The following PRDM16 variants were observed in gnomAD, a reference collection of about 807,000 sequenced individuals.
PRDM16 encodes histone-lysine N-methyltransferase PRDM16.
In PRDM16, 23 loss-of-function variants were observed where a neutral mutation model predicts 110.6. That is an observed-to-expected ratio of 0.21 (90% CI 0.15 to 0.29). The LOEUF (loss-of-function observed/expected upper bound fraction) is 0.29, where lower values mean the gene tolerates loss of function less well. Among genes scored for constraint, PRDM16 ranks in the 10% least tolerant of loss-of-function variants. The pLI is 1.00. For missense variants in PRDM16, 1,615 were observed against 1,794.3 expected, an observed-to-expected ratio of 0.90 and a Z score of 1.81; for synonymous variants, 799 against 781.8, an observed-to-expected ratio of 1.02 and a Z score of -0.37.
At chr1:3,321,238 G>A (rs796552017) in intron 3 of PRDM16, among the ~76,000 whole-genome samples, 10 of 152,192 alleles carry the variant, frequency 6.6e-5, no homozygotes, top group African/African-American at 2.2e-4. Context: ...GTGCACACAC[G>A]CGTGGGGGTA....
rs191811821 is a variant in PRDM16, at chr1:3,249,815, G to A, written c.438+5678G>A. On this transcript the variant is annotated intron_variant, in intron 3 of 16. Coordinates refer to ENST00000270722, the MANE Select transcript of PRDM16 (RefSeq NM_022114.4). The stretch of plus-strand genomic sequence containing the variant: ...TCCCAGGGTTGCTGATAAAAGAATC[G>A]GGAGTCCATTAATTCAGTGAATGAA... Among the ~76,000 whole-genome samples, 6 of 152,334 alleles carry A rather than the reference G, an allele frequency of 3.9e-5. No homozygotes were observed. The East Asian group carries it at 7.7e-4, about 20-fold the overall frequency.
rs986842214 is a variant in PRDM16, at chr1:3,436,590, C to A, written c.*2779C>A. 5.6e-4 allele frequency: 129 copies of A among 231,764 alleles called. 1 individual carries two copies. Among genetic ancestry groups the A allele is most frequent in the Admixed American group, 3.4e-4 (6 of 17,730 alleles). The allele number at this position is 231,764 out of a possible 1,614,324, so 14.4% of individuals were successfully genotyped here. On this transcript the variant is annotated 3_prime_UTR_variant, in exon 17 of 17. Transcript: ENST00000270722. ...TGGGCTGGTGCGCCCCAAAACACGGCCCCGACACTTAGTGTGGCCCCAGGC... is the reference window on the plus strand; with the variant it reads ...TGGGCTGGTGCGCCCCAAAACACGGACCCGACACTTAGTGTGGCCCCAGGC...
At chr1:3,356,928 C>T (rs967497411) in intron 3 of PRDM16, among the ~76,000 whole-genome samples, 49 of 152,286 alleles carry the variant, frequency 3.2e-4, no homozygotes, top group African/African-American at 1.0e-3. Context: ...TCCTGAGAGC[C>T]GGGTGGCTTT....
At chr1:3,335,632 CACACACACA>C (rs1266809026) in intron 3 of PRDM16, among the ~76,000 whole-genome samples, 1 of 151,428 alleles carries the variant, frequency 6.6e-6, no homozygotes, top group African/African-American at 2.5e-5. Flanking sequence ...CACACACACA[CACACACACA>C]CCCTTGGACA....
In PRDM16 at chr1:3,250,382, A is replaced by G. The variant is rs1437847745; in HGVS notation, c.438+6245A>G. 2.0e-5 allele frequency among the ~76,000 whole-genome samples: 3 copies of G among 152,050 alleles called. No individual in the cohort carries two copies. In the East Asian group the frequency reaches 5.8e-4, roughly 29 times the overall value. ...CTTCACAGGCTGATAAGGGTGATTA[A>G]TGGCCCGTTAGCATGGCCCAAGGTG... On this transcript the variant is annotated intron_variant, in intron 3 of 16. Coordinates refer to ENST00000270722, the MANE Select transcript of PRDM16 (RefSeq NM_022114.4).
Position 3,198,315 on chromosome 1 carries a change from C to T in PRDM16, c.387+11841C>T, listed in dbSNP as rs865816003. Among the ~76,000 whole-genome samples the T allele has an allele frequency of 2.0e-5, 3 of 152,354 alleles. No homozygotes were observed. In the South Asian group the frequency reaches 6.2e-4, roughly 32 times the overall value. On this transcript the variant is annotated intron_variant, in intron 2 of 16. Coordinates refer to ENST00000270722, the MANE Select transcript of PRDM16 (RefSeq NM_022114.4). ...TTAGAGAAGGCCCTTTGGAGAATGG[C>T]TGCAAGCCGGCACCCTTGCTGCATG...
intron 3 of PRDM16, among the ~76,000 whole-genome samples, chr1:3,248,847 G>A (rs765645218): frequency 2.0e-5 from 3 of 152,228 alleles, no homozygotes; most frequent in Non-Finnish European, 2.9e-5. Context: ...AGCCCGGCCC[G>A]GGCAAAATGC....
Position 3,267,571 on chromosome 1 carries a change from A to G in PRDM16, c.438+23434A>G, listed in dbSNP as rs527828708. ...ATGTCTCACTTTTTGGGGAACCTCCAGACTGTTTACCACAGTGGCTATACC... is the reference window on the plus strand; with the variant it reads ...ATGTCTCACTTTTTGGGGAACCTCCGGACTGTTTACCACAGTGGCTATACC... On this transcript the variant is annotated intron_variant, in intron 3 of 16. Transcript: ENST00000270722. 2.2e-3 allele frequency among the ~76,000 whole-genome samples: 331 copies of G among 152,362 alleles called. 1 individual carries two copies. Among genetic ancestry groups the G allele is most frequent in the African/African-American group, 7.3e-3 (305 of 41,582 alleles).
intron 3 of PRDM16, among the ~76,000 whole-genome samples, chr1:3,324,848 C>G (rs1385286792): frequency 6.6e-6 from 1 of 152,048 alleles, no homozygotes; most frequent in African/African-American, 2.4e-5. Context: ...GCACATCTGA[C>G]CCTCCCTTGT....
chr1:3,106,146 C>T (rs1642646537), intron 1 of PRDM16, among the ~76,000 whole-genome samples: 1 of 142,286 alleles, frequency 7.0e-6, no homozygotes. Flanking sequence ...GGAGTCCTGG[C>T]AGGGTGGGCG....
intron 12 of PRDM16, among the ~76,000 whole-genome samples, chr1:3,420,198 T>C (rs1172983461): frequency 6.6e-6 from 1 of 152,222 alleles, no homozygotes; most frequent in East Asian, 1.9e-4. Flanking sequence ...GTGTTGCAAA[T>C]CCTGACTTTA....
chr1:3,384,133 A>T, intron 3 of PRDM16, among the ~76,000 whole-genome samples: 1 of 149,662 alleles, frequency 6.7e-6, no homozygotes, highest in Non-Finnish European at 1.5e-5. Context: ...ACACCTGTCC[A>T]GCAGGACACA....
At chr1:3,422,676 T>C (rs1167383207) in intron 12 of PRDM16, among the ~76,000 whole-genome samples, 2 of 152,224 alleles carry the variant, frequency 1.3e-5, no homozygotes, top group Non-Finnish European at 2.9e-5. Flanking sequence ...GGAGATTGTG[T>C]GGGACACGTC....
At chr1:3,348,534 G>T (rs1180934151) in intron 3 of PRDM16, among the ~76,000 whole-genome samples, 3 of 152,248 alleles carry the variant, frequency 2.0e-5, no homozygotes, top group Non-Finnish European at 4.4e-5. Context: ...GCTTGAATGG[G>T]CAGGGACAGT....
At chr1:3,141,940 C>T (rs1643558057) in intron 1 of PRDM16, among the ~76,000 whole-genome samples, 1 of 152,272 alleles carries the variant, frequency 6.6e-6, no homozygotes, top group Non-Finnish European at 1.5e-5. Flanking sequence ...TTTTCTGGCC[C>T]TCAGGCCTGC....
At chr1:3,431,828 G>A in intron 15 of PRDM16, 138 bp from the exon 16 acceptor site, 1 of 806,794 alleles carries the variant, frequency 1.2e-6, no homozygotes. Flanking sequence ...GTGTCCGTGT[G>A]TCTGTCTCCC....
rs140612305 is a variant in PRDM16 at position 3,292,901 on chromosome 1, G to A, written c.438+48764G>A. 2.6e-5 allele frequency among the ~76,000 whole-genome samples: 4 copies of A among 152,362 alleles called. No individual in the cohort carries two copies. The East Asian group carries it at 7.7e-4, about 29-fold the overall frequency. ...AAGAAGCGTGAGCAGCCCTGTGGAAGGAGGGGAAGAGGCACTGGTCTTTTC... is the reference window on the plus strand; with the variant it reads ...AAGAAGCGTGAGCAGCCCTGTGGAAAGAGGGGAAGAGGCACTGGTCTTTTC... On this transcript the variant is annotated intron_variant, in intron 3 of 16. Coordinates refer to ENST00000270722, the MANE Select transcript of PRDM16 (RefSeq NM_022114.4).
At chr1:3,176,300 G>GATTCACCTACCCA (rs1644088652) in intron 1 of PRDM16, among the ~76,000 whole-genome samples, 23 of 47,268 alleles carry the variant, frequency 4.9e-4, no homozygotes, top group East Asian at 1.5e-3. Context: ...CTATCCATCT[G>GATTCACCTACCCA]TCCATACATC....
chr1:3,362,547 G>A (rs569035520), intron 3 of PRDM16, among the ~76,000 whole-genome samples: 6 of 152,288 alleles, frequency 3.9e-5, no homozygotes, highest in East Asian at 1.9e-4. Context: ...CCAGGCTCAC[G>A]GTGGGAACCA....
Sources: gnomAD v4.1 joint callset for allele counts (sites outside exome capture counted in the v4.1 genomes callset) on GRCh38, gnomAD v4.1.1 for gene constraint, MANE v1.5 for transcripts, NCBI Gene and HGNC (gene_info 2026-07-23, HGNC 2026-07-21) for gene names.